Variants in GNAI1 observed in about 807,000 individuals in gnomAD.
The protein encoded by GNAI1 is guanine nucleotide-binding protein G(i) subunit alpha-1.
GNAI1 carries 11 observed loss-of-function variants against 38.9 expected under a neutral mutation model. The ratio of observed to expected loss-of-function variants is 0.28; its 90% CI spans 0.18 to 0.47. The LOEUF (loss-of-function observed/expected upper bound fraction) is 0.47. Ranked by LOEUF, GNAI1 falls within the 20% of genes least tolerant of loss-of-function variation. The pLI, the probability that GNAI1 is intolerant of heterozygous loss-of-function variation, is 0.99. For synonymous variants in GNAI1, 166 were observed against 145.1 expected, an observed-to-expected ratio of 1.14 and a Z score of -1.04; for missense variants, 317 against 436.9, an observed-to-expected ratio of 0.73 and a Z score of 2.45.
intron 1 of GNAI1, among the ~76,000 whole-genome samples, chr7:80,164,704 A>AT (rs1787984156): frequency 6.6e-6 from 1 of 152,074 alleles, no homozygotes; most frequent in Non-Finnish European, 1.5e-5. Flanking sequence ...ACTTTACCTA[A>AT]TTTTATCACT....
In GNAI1 at chr7:80,189,227, G is replaced by A. The variant is rs752261322; in HGVS notation, c.299G>A (p.Arg100Gln). 9 of 1,610,316 alleles carry A rather than the reference G, an allele frequency of 5.6e-6. No homozygotes were observed. Among genetic ancestry groups the A allele is most frequent in the South Asian group, 2.2e-5 (2 of 90,318 alleles). The change falls in exon 3 of 8, where the codon CGG becomes CAG. Residue 100 changes from arginine to glutamine, a missense_variant. This residue lies in a region of GNAI1 where 67 missense variants were observed against 61.5 expected (regional missense o/e 1.09). Transcript: ENST00000649796. ...RLKIDFGDSA[R>Q]ADDARQLFVL... ...AAGATAGACTTTGGTGACTCAGCCCGGGCGGTAAGTTATTAAATTTGTTGG... is the reference window on the plus strand; with the variant it reads ...AAGATAGACTTTGGTGACTCAGCCCAGGCGGTAAGTTATTAAATTTGTTGG...
rs1210696433 is a variant in GNAI1, at chr7:80,224,703, G to A, written c.*7210G>A. 6.6e-6 allele frequency among the ~76,000 whole-genome samples: 1 copy of A among 152,154 alleles called. No individual in the cohort carries two copies. The highest frequency in any genetic ancestry group is 2.4e-5 in the African/African-American group (1 of 41,446). On this transcript the variant is annotated 3_prime_UTR_variant, in exon 8 of 8. Transcript: ENST00000649796. ...CCTCCATTTCACAAACATAGGAACT[G>A]CACAGACACAGCAGCCACTACCCAG...
intron 2 of GNAI1, 25 bp from the exon 3 acceptor site, chr7:80,189,064 CT>C (rs769265577): frequency 2.5e-6 from 4 of 1,600,328 alleles, no homozygotes; most frequent in African/African-American, 1.4e-5. Flanking sequence ...GTAAATAATT[CT>C]TTTTTTTCCC....
chr7:80,176,841 G>A (rs937896483), intron 1 of GNAI1, among the ~76,000 whole-genome samples: 6 of 150,138 alleles, frequency 4.0e-5, no homozygotes, highest in African/African-American at 1.5e-4. Context: ...GGAGGCTGAG[G>A]CAGGAGAATC....
Position 80,135,096 on chromosome 7 carries a change from C to T in GNAI1, c.-65C>T. 2.7e-6 allele frequency: 3 copies of T among 1,118,618 alleles called. No individual in the cohort carries two copies. Among genetic ancestry groups the T allele is most frequent in the Middle Eastern group, 2.1e-4 (1 of 4,666 alleles). 69.3% of individuals were successfully genotyped at this position (1,118,618 alleles called of 1,614,324 possible). ...CGCCCGCTAGGAGAGAGAAAGGATTCCCCTGTGCTTGGAGCCCGCACTCGG... is the reference window on the plus strand; with the variant it reads ...CGCCCGCTAGGAGAGAGAAAGGATTTCCCTGTGCTTGGAGCCCGCACTCGG... On this transcript the variant is annotated 5_prime_UTR_variant, in exon 1 of 8. Coordinates refer to ENST00000649796, the MANE Select transcript of GNAI1 (RefSeq NM_002069.6).
At chr7:80,183,033 T>C (rs1017381390) in intron 1 of GNAI1, among the ~76,000 whole-genome samples, 1 of 152,190 alleles carries the variant, frequency 6.6e-6, no homozygotes, top group African/African-American at 2.4e-5. Context: ...GGCAGGATGC[T>C]ATCTCCCTTG....
chr7:80,204,201 A>T (rs1366661265), intron 5 of GNAI1, among the ~76,000 whole-genome samples: 1 of 152,152 alleles, frequency 6.6e-6, no homozygotes, highest in South Asian at 2.1e-4. Context: ...TACTGATAGC[A>T]TAAGTGCTTA....
Position 80,222,127 on chromosome 7 carries a change from C to G in GNAI1, c.*4634C>G, listed in dbSNP as rs1011689268. 6.7e-6 allele frequency among the ~76,000 whole-genome samples: 1 copy of G among 150,296 alleles called. No homozygotes were observed. Among genetic ancestry groups the G allele is most frequent in the African/African-American group, 2.4e-5 (1 of 41,100 alleles). ...GATTTTGTAGTTACTTTAAAAGTTA[C>G]GAAATTTCACATTTCATCAAGTCCA... On this transcript the variant is annotated 3_prime_UTR_variant, in exon 8 of 8. Transcript: ENST00000649796.
intron 1 of GNAI1, among the ~76,000 whole-genome samples, chr7:80,176,334 A>C (rs1468003453): frequency 6.6e-6 from 1 of 152,232 alleles, no homozygotes; most frequent in Non-Finnish European, 1.5e-5. Context: ...AGCCATCTCC[A>C]TAAAATAAAA....
intron 1 of GNAI1, among the ~76,000 whole-genome samples, chr7:80,172,716 C>G (rs930189732): frequency 6.6e-6 from 1 of 152,150 alleles, no homozygotes; most frequent in African/African-American, 2.4e-5. Context: ...TAAGAATTAT[C>G]TCACCTTTTT....
chr7:80,165,436 C>T (rs1489673488), intron 1 of GNAI1, among the ~76,000 whole-genome samples: 1 of 152,074 alleles, frequency 6.6e-6, no homozygotes, highest in East Asian at 1.9e-4. Flanking sequence ...AAGGGTGACC[C>T]TGCAGTTTAA....
intron 3 of GNAI1, among the ~76,000 whole-genome samples, chr7:80,194,510 C>G (rs533051130): frequency 7.2e-5 from 11 of 152,242 alleles, no homozygotes; most frequent in Non-Finnish European, 4.4e-5. Flanking sequence ...AGAACATCCT[C>G]TCTCAACAAA....
chr7:80,161,500 G>C (rs2116129850), intron 1 of GNAI1, among the ~76,000 whole-genome samples: 1 of 152,080 alleles, frequency 6.6e-6, no homozygotes, highest in East Asian at 1.9e-4. Context: ...TTTACCACTG[G>C]GCATGCTAGT....
intron 1 of GNAI1, among the ~76,000 whole-genome samples, chr7:80,147,724 AC>A (rs545403074): frequency 1.6e-3 from 242 of 152,282 alleles, no homozygotes; most frequent in African/African-American, 5.6e-3. Flanking sequence ...TTAGAAAACT[AC>A]CCTTCATGTT....
At chr7:80,146,429 A>T (rs1299016417) in intron 1 of GNAI1, among the ~76,000 whole-genome samples, 1 of 152,116 alleles carries the variant, frequency 6.6e-6, no homozygotes, top group Non-Finnish European at 1.5e-5. Flanking sequence ...AATTTCTCAT[A>T]TTACATTCTC....
chr7:80,171,213 A>T (rs1788093127), intron 1 of GNAI1, among the ~76,000 whole-genome samples: 1 of 152,214 alleles, frequency 6.6e-6, no homozygotes, highest in South Asian at 2.1e-4. Flanking sequence ...ATAGGCAATG[A>T]TAAATTTGAT....
intron 1 of GNAI1, among the ~76,000 whole-genome samples, chr7:80,177,281 C>CA (rs1427134726): frequency 1.3e-5 from 2 of 152,188 alleles, no homozygotes; most frequent in African/African-American, 4.8e-5. Context: ...CCACCCGCCT[C>CA]AGCCTCCCAA....
intron 1 of GNAI1, among the ~76,000 whole-genome samples, chr7:80,141,714 A>T (rs1457706766): frequency 1.3e-5 from 2 of 151,858 alleles, no homozygotes; most frequent in East Asian, 3.9e-4. Context: ...CTTTTACTTC[A>T]CCTTTTTCCT....
rs971733303 is a variant in GNAI1, at chr7:80,220,591, A to G, written c.*3098A>G. On this transcript the variant is annotated 3_prime_UTR_variant, in exon 8 of 8. Coordinates refer to ENST00000649796, the MANE Select transcript of GNAI1 (RefSeq NM_002069.6). ...TCCCTAAGGCGCTTGTGGTTTCTAA[A>G]ATTCTCTTCATTTCAGTAACCTTCT... Among the ~76,000 whole-genome samples the G allele has an allele frequency of 2.0e-5, 3 of 152,182 alleles. No homozygotes were observed. Among genetic ancestry groups the G allele is most frequent in the Admixed American group, 2.0e-4 (3 of 15,280 alleles).
Sources: gnomAD v4.1 joint callset for allele counts (sites outside exome capture counted in the v4.1 genomes callset) on GRCh38, gnomAD v4.1.1 for gene constraint, gnomAD v4.1.1 regional missense constraint, MANE v1.5 for transcripts, NCBI Gene and HGNC (gene_info 2026-07-23, HGNC 2026-07-21) for gene names.